The following DOP1B variants were observed in gnomAD, a reference collection of about 807,000 sequenced individuals.
DOP1B encodes the protein protein DOP1B.
A neutral mutation model predicts 233.5 loss-of-function variants in DOP1B; 174 were observed. That is an observed-to-expected ratio of 0.75 (90% confidence interval 0.66 to 0.85). The LOEUF (loss-of-function observed/expected upper bound fraction) is 0.85, where lower values mean the gene tolerates loss of function less well. DOP1B is among the 40% of genes least tolerant of loss of function. DOP1B has a pLI of 0.00. For missense variants in DOP1B, 2,652 were observed against 2,846.6 expected (o/e 0.93, Z 1.56); for synonymous variants, 1,190 against 1,185.6 (o/e 1.00, Z -0.08).
chr21:36,178,783 C>G (rs984227557), intron 2 of DOP1B, among the ~76,000 whole-genome samples: 4 of 152,208 alleles, frequency 2.6e-5, no homozygotes, highest in Non-Finnish European at 4.4e-5. Context: ...TAAAAATAGT[C>G]TTTTCCTTTT....
At chr21:36,200,300 C>T (rs1235743453) in intron 3 of DOP1B, 31 bp from the exon 4 acceptor site, 1 of 1,540,524 alleles carries the variant, frequency 6.5e-7, no homozygotes, top group Non-Finnish European at 8.8e-7. Flanking sequence ...TATCTTATTT[C>T]TGCCCCGCTC....
At chr21:36,223,153 A>G (rs1191077354) in intron 10 of DOP1B, 78 bp from the exon 11 acceptor site, 1 of 1,456,804 alleles carries the variant, frequency 6.9e-7, no homozygotes, top group Non-Finnish European at 9.2e-7. Context: ...TGGTGAAATC[A>G]ATTACAGTTT....
intron 5 of DOP1B, among the ~76,000 whole-genome samples, chr21:36,209,831 C>T (rs2066472783): frequency 6.6e-6 from 1 of 152,158 alleles, no homozygotes; most frequent in South Asian, 2.1e-4. Context: ...GTGGTGTTCC[C>T]ACACTTTGAT....
At chr21:36,184,983 CA>C (rs1356812498) in intron 2 of DOP1B, among the ~76,000 whole-genome samples, 2 of 152,142 alleles carry the variant, frequency 1.3e-5, no homozygotes, top group African/African-American at 4.8e-5. Context: ...TGAGTTCTAC[CA>C]GTAGAACTTT....
intron 11 of DOP1B, among the ~76,000 whole-genome samples, chr21:36,224,834 C>T (rs2066663775): frequency 6.6e-6 from 1 of 151,796 alleles, no homozygotes; most frequent in South Asian, 2.1e-4. Flanking sequence ...CTAGGCAACT[C>T]AGGTGCTGAT....
chr21:36,195,042 C>T (rs540237865), intron 2 of DOP1B, among the ~76,000 whole-genome samples: 5 of 151,886 alleles, frequency 3.3e-5, no homozygotes, highest in Admixed American at 1.3e-4. Flanking sequence ...CCCATCTCTA[C>T]GAAAAAATAC....
Position 36,245,217 on chromosome 21 carries a change from G to T in DOP1B, c.3237G>T (p.Pro1079=), listed in dbSNP as rs371134067. The change falls in exon 19 of 37, where the codon CCG becomes CCT. Residue 1079 remains proline, a synonymous_variant. Coordinates refer to ENST00000691173, the MANE Select transcript of DOP1B (RefSeq NM_001320714.2). The surrounding 1 kb of genome is among the most constrained non-coding windows in gnomAD (Gnocchi z 5.5). ...TGGAGAAGGAGCCCGAGAAGTACCC[G>T]CTGCGAGGCGAGCTGAGCGAGGAAG... ...AEVEKEPEKY[P]LRGELSEEEL... 8.1e-6 allele frequency: 13 copies of T among 1,613,986 alleles called. No individual in the cohort carries two copies. Among genetic ancestry groups the T allele is most frequent in the Non-Finnish European group, 1.1e-5 (13 of 1,180,060 alleles).
chr21:36,199,118 A>C lies in DOP1B; in HGVS notation c.187A>C (p.Ile63Leu). The change falls in exon 3 of 37, where the codon ATC becomes CTC. Residue 63 changes from isoleucine (I) to leucine (L), a missense_variant. Around this residue, in one of 3 missense-constraint regions of DOP1B, gnomAD observed 2,617 missense variants for 2,794.3 expected, o/e 0.94. Transcript: ENST00000691173. ...CTCCTTGTTGCCAAGACGGCTCCTC[A>C]TCAGCAAAAGATTAGCTCAGTGTTT... is the stretch of plus-strand genomic sequence containing the variant. ...RYSLLPRRLLISKRLAQCLHP... is the reference protein window; with the variant it reads ...RYSLLPRRLLLSKRLAQCLHP... 2 of 1,614,008 alleles carry C rather than the reference A, an allele frequency of 1.2e-6. No homozygotes were observed. The highest frequency in any genetic ancestry group is 1.3e-5 in the African/African-American group (1 of 75,014).
chr21:36,210,264 T>G (rs375196575), intron 5 of DOP1B, among the ~76,000 whole-genome samples: 1 of 152,046 alleles, frequency 6.6e-6, no homozygotes, highest in Admixed American at 6.6e-5. Flanking sequence ...TCTCAGCACT[T>G]TGGGAGCCCT....
chr21:36,280,426 G>A, intron 31 of DOP1B, 80 bp downstream of exon 31: 6 of 1,019,728 alleles, frequency 5.9e-6, no homozygotes, highest in South Asian at 4.3e-5. Context: ...ATGTATTTCC[G>A]AACCCTACTC....
Position 36,263,601 on chromosome 21 carries a change from GAGTCTGTAC to G in DOP1B, c.5375_5383del (p.Ser1792_Gln1794del). ...TTCTTCACTGTTGGGAGTATTGAAAGAGTCTGTACAGTTGAATCTAGCCCCACCTGGGTA... is the reference window on the plus strand; with the variant it reads ...TTCTTCACTGTTGGGAGTATTGAAAGAGTTGAATCTAGCCCCACCTGGGTA... On this transcript the variant is annotated inframe_deletion, in exon 25 of 37. Coordinates refer to ENST00000691173, the MANE Select transcript of DOP1B (RefSeq NM_001320714.2). 6.2e-7 allele frequency: 1 copy of G among 1,614,184 alleles called. No individual in the cohort carries two copies. The highest frequency in any genetic ancestry group is 1.1e-5 in the South Asian group (1 of 91,088).
intron 3 of DOP1B, among the ~76,000 whole-genome samples, chr21:36,199,592 CG>C (rs1569015782): frequency 6.6e-6 from 1 of 152,130 alleles, no homozygotes; most frequent in African/African-American, 2.4e-5. Flanking sequence ...CCCACTCCCC[CG>C]ACCCCATGAC....
At chr21:36,288,302 G>A in intron 33 of DOP1B, 152 bp downstream of exon 33, 1 of 734,338 alleles carries the variant, frequency 1.4e-6, no homozygotes, top group East Asian at 2.8e-5. Context: ...TGGTTAAACA[G>A]AGAATATTTT....
At chr21:36,192,912 A>AG (rs1166174915) in intron 2 of DOP1B, among the ~76,000 whole-genome samples, 26 of 150,732 alleles carry the variant, frequency 1.7e-4, no homozygotes, top group African/African-American at 6.1e-4. Flanking sequence ...GATGGTCTTG[A>AG]TCTCCTGACC....
intron 9 of DOP1B, among the ~76,000 whole-genome samples, chr21:36,217,091 AAAAG>A (rs1569027379): frequency 1.3e-5 from 2 of 150,352 alleles, no homozygotes; most frequent in Non-Finnish European, 2.9e-5. Flanking sequence ...AAAAAAAAAA[AAAAG>A]AGAGCTGAGG....
rs1241060147 is a variant in DOP1B, at chr21:36,246,037, A to C, written c.4057A>C (p.Ile1353Leu). 1.9e-6 allele frequency: 3 copies of C among 1,613,784 alleles called. No homozygotes were observed. Among genetic ancestry groups the C allele is most frequent in the Non-Finnish European group, 2.5e-6 (3 of 1,179,972 alleles). Residue 1353 changes from isoleucine to leucine, a missense_variant, in exon 19 of 37, where the codon ATC (isoleucine) becomes CTC (leucine). This residue lies in a region of DOP1B where 2,617 missense variants were observed against 2,794.3 expected (regional missense o/e 0.94). Coordinates refer to ENST00000691173, the MANE Select transcript of DOP1B (RefSeq NM_001320714.2). The surrounding 1 kb of genome is among the most constrained non-coding windows in gnomAD (Gnocchi z 5.1). ...GCAGGTCAAAAGTGTCGAGGTTTTG[A>C]TCAGGATAATGATGCAGCTGGTCTC... is the stretch of plus-strand genomic sequence containing the variant. The part of the protein sequence containing the change: ...DVQVKSVEVL[I>L]RIMMQLVSVA...
At chr21:36,179,475 A>G (rs2066070335) in intron 2 of DOP1B, among the ~76,000 whole-genome samples, 1 of 152,218 alleles carries the variant, frequency 6.6e-6, no homozygotes, top group Non-Finnish European at 1.5e-5. Context: ...GGTCATTGTA[A>G]CTTTGTTTTA....
chr21:36,247,584 A>G lies in DOP1B; in HGVS notation c.4765A>G (p.Ile1589Val). 2 of 1,610,336 alleles carry G rather than the reference A, an allele frequency of 1.2e-6. No individual in the cohort carries two copies. The highest frequency in any genetic ancestry group is 1.7e-6 in the Non-Finnish European group (2 of 1,179,008). Residue 1589 changes from isoleucine to valine, a missense_variant, in exon 20 of 37, where the codon ATT (isoleucine) becomes GTT (valine). Ile to Val is a conservative substitution (Grantham distance 29). Coordinates refer to ENST00000691173, the MANE Select transcript of DOP1B (RefSeq NM_001320714.2). ...PLTLLEGLTT[I>V]SHFCLLEQAN... ...CACCCTTCTAGAAGGTCTAACGACC[A>G]TTAGTCATTTTTGTCTTTTGGAACA...
At chr21:36,209,001 C>A in intron 5 of DOP1B, 97 bp downstream of exon 5, 1 of 1,305,640 alleles carries the variant, frequency 7.7e-7, no homozygotes, top group Non-Finnish European at 1.0e-6. Flanking sequence ...AAGGGACATC[C>A]AGGAAAGGGA....
Sources: allele counts gnomAD v4.1 joint callset (sites outside exome capture counted in the v4.1 genomes callset), GRCh38; gene constraint gnomAD v4.1.1; regional missense constraint gnomAD v4.1.1; non-coding constraint Gnocchi (gnomAD v3.1); transcripts MANE v1.5; gene names NCBI Gene and HGNC (gene_info 2026-07-23, HGNC 2026-07-21).